Variants in LGI2 observed in about 807,000 individuals in gnomAD.
The protein encoded by LGI2 is leucine rich repeat LGI family member 2, also known as leucine-rich repeat LGI family member 2.
A neutral mutation model predicts 52.0 loss-of-function variants in LGI2; 30 were observed. The observed-to-expected ratio is 0.58, with a 90% CI of 0.43 to 0.78. LGI2 has a LOEUF of 0.78. Ranked by LOEUF, LGI2 falls within the 30% of genes least tolerant of loss-of-function variation. The pLI is 0.00. For synonymous variants in LGI2, 270 were observed against 271.8 expected, an observed-to-expected ratio of 0.99 and a Z score of 0.06; for missense variants, 573 against 692.5, an observed-to-expected ratio of 0.83 and a Z score of 1.94.
chr4:24,997,748 C>T (rs1333425667), downstream of LGI2, among the ~76,000 whole-genome samples: 1 of 152,182 alleles, frequency 6.6e-6, no homozygotes, highest in African/African-American at 2.4e-5. Context: ...TGTATAATCT[C>T]CTCTCTTTGA....
chr4:24,994,186 A>G (rs949767882), downstream of LGI2, among the ~76,000 whole-genome samples: 2 of 152,222 alleles, frequency 1.3e-5, no homozygotes, highest in Non-Finnish European at 2.9e-5. Context: ...CCTGCACTAC[A>G]GAAAGATCCT....
In LGI2 at chr4:25,017,533, C is replaced by T. The variant is rs540789655; in HGVS notation, c.655+456G>A. On this transcript the variant is annotated intron_variant, in intron 6 of 7. Transcript: ENST00000382114. Reference sequence around the variant, plus strand: ...CTCCAGCCTGGGCGACAGAGTAAGACTCTGCCTCAAAAAAAAAAAAAAAAA... The same window carrying T: ...CTCCAGCCTGGGCGACAGAGTAAGATTCTGCCTCAAAAAAAAAAAAAAAAA... Among the ~76,000 whole-genome samples the T allele has an allele frequency of 5.0e-4, 49 of 98,764 alleles. 1 individual carries two copies. The South Asian group carries it at 7.5e-3, about 15-fold the overall frequency. 64.8% of individuals were successfully genotyped at this position (98,764 alleles called of 152,430 possible).
downstream of LGI2, among the ~76,000 whole-genome samples, chr4:24,994,277 C>T (rs1027344970): frequency 1.3e-5 from 2 of 152,172 alleles, no homozygotes; most frequent in African/African-American, 4.8e-5. Context: ...AATATATTGT[C>T]CTGGTCTCTG....
At chr4:25,021,686 C>T (rs940307188) in intron 4 of LGI2, among the ~76,000 whole-genome samples, 9 of 152,136 alleles carry the variant, frequency 5.9e-5, no homozygotes, top group Non-Finnish European at 1.3e-4. Context: ...AATCCCAACA[C>T]TTTGGGAGGC....
intron 5 of LGI2, among the ~76,000 whole-genome samples, chr4:25,018,731 G>A (rs1350698643): frequency 6.6e-6 from 1 of 152,040 alleles, no homozygotes; most frequent in Non-Finnish European, 1.5e-5. Context: ...GGGTAGTGGT[G>A]TGCGCCTGTA....
intron 6 of LGI2, among the ~76,000 whole-genome samples, chr4:25,015,912 T>C (rs181474452): frequency 1.3e-5 from 2 of 152,330 alleles, no homozygotes; most frequent in Admixed American, 6.5e-5. Context: ...TCATCTCTGT[T>C]TGTGAGTCTT....
At chr4:25,010,141 G>A (rs1379782513) in intron 7 of LGI2, among the ~76,000 whole-genome samples, 1 of 152,052 alleles carries the variant, frequency 6.6e-6, no homozygotes, top group African/African-American at 2.4e-5. Flanking sequence ...TTAGCCGGGT[G>A]CGGTAGCAGG....
At chr4:25,013,292 C>T (rs1342407582) in intron 6 of LGI2, among the ~76,000 whole-genome samples, 6 of 152,224 alleles carry the variant, frequency 3.9e-5, no homozygotes, top group African/African-American at 1.4e-4. Context: ...CCTTGCTTCT[C>T]AGCCCACTCT....
chr4:25,030,165 C>T (rs1726283980), intron 1 of LGI2, among the ~76,000 whole-genome samples: 1 of 152,212 alleles, frequency 6.6e-6, no homozygotes, highest in Non-Finnish European at 1.5e-5. Context: ...GTCAAACGCA[C>T]ACTCCAGGAC....
rs12642011 is a variant in LGI2, at chr4:25,000,990, C to T, written c.*2461G>A. 71,809 of 151,740 alleles carry T rather than the reference C, an allele frequency of 0.47. 17,467 individuals carry two copies. The highest frequency in any genetic ancestry group is 0.77 in the East Asian group (3,970 of 5,154). 9.4% of individuals were successfully genotyped at this position (151,740 alleles called of 1,614,324 possible). A position where few individuals can be genotyped will look rare whatever the true frequency, so the allele number is the denominator to read the frequency against. On this transcript the variant is annotated 3_prime_UTR_variant, in exon 8 of 8. Transcript: ENST00000382114. ...AGAACAAATATCTCCTTCCACAGCA[C>T]AGGCGCTCTGTAGACTACAGGCTTT... is the stretch of plus-strand genomic sequence containing the variant.
chr4:25,009,607 T>G (rs760131516), intron 7 of LGI2, among the ~76,000 whole-genome samples: 5 of 152,194 alleles, frequency 3.3e-5, no homozygotes, highest in Non-Finnish European at 7.3e-5. Flanking sequence ...CCCATTAGAA[T>G]GGGAACTCCT....
intron 6 of LGI2, among the ~76,000 whole-genome samples, chr4:25,016,921 G>T (rs989831809): frequency 1.3e-5 from 2 of 152,132 alleles, no homozygotes; most frequent in Non-Finnish European, 2.9e-5. Context: ...ACAGCGGCCT[G>T]ATCCTCCTCT....
intron 1 of LGI2, among the ~76,000 whole-genome samples, chr4:25,030,091 A>AACACAC (rs35093206): frequency 0.016 from 2,398 of 150,996 alleles, 64 homozygotes; most frequent in African/African-American, 0.054. Context: ...CCAACCCGCA[A>AACACAC]ACACACACAC....
rs996039887 is a variant in LGI2, at chr4:25,002,288, C to T, written c.*1163G>A. On this transcript the variant is annotated 3_prime_UTR_variant, in exon 8 of 8. Coordinates refer to ENST00000382114, the MANE Select transcript of LGI2 (RefSeq NM_018176.4). ...AGTACTGGGAGAGGAAGGAGTCTTC[C>T]TATCTGAGTATCTTGGGTTGTGATT... 2.6e-5 allele frequency: 4 copies of T among 152,306 alleles called. No homozygotes were observed. The highest frequency in any genetic ancestry group is 5.9e-5 in the Non-Finnish European group (4 of 68,048). The allele number at this position is 152,306 out of a possible 1,614,324, so 9.4% of individuals were successfully genotyped here. A position where few individuals can be genotyped will look rare whatever the true frequency, so the allele number is the denominator to read the frequency against.
intron 1 of LGI2, among the ~76,000 whole-genome samples, chr4:25,028,996 C>T (rs552395219): frequency 2.0e-5 from 3 of 152,232 alleles, no homozygotes; most frequent in African/African-American, 7.2e-5. Flanking sequence ...CCTCTTGGGA[C>T]CCCATCTCTG....
chr4:24,994,916 C>T (rs984524929), downstream of LGI2, among the ~76,000 whole-genome samples: 1 of 152,154 alleles, frequency 6.6e-6, no homozygotes, highest in Non-Finnish European at 1.5e-5. Flanking sequence ...CTTAGGAGAC[C>T]TTATTGTCAC....
Position 25,028,566 on chromosome 4 carries a change from A to G in LGI2, c.210T>C (p.Asn70=), listed in dbSNP as rs767384235. ...GGTCCTTGATTTCTGAAAACGTCCC[A>G]TTTACCAGGCTCCTACGGGCAAAAG... ...PGDISSLSLV[N]GTFSEIKDRM... is the part of the protein sequence containing the mutation. The change falls in exon 2 of 8, where the codon AAT becomes AAC. Residue 70 remains asparagine, a synonymous_variant. Coordinates refer to ENST00000382114, the MANE Select transcript of LGI2 (RefSeq NM_018176.4). 1 of 1,613,062 alleles carries G rather than the reference A, an allele frequency of 6.2e-7. No individual in the cohort carries two copies.
At chr4:25,030,287 G>A (rs1489730666) in intron 1 of LGI2, among the ~76,000 whole-genome samples, 5 of 152,204 alleles carry the variant, frequency 3.3e-5, no homozygotes, top group African/African-American at 4.8e-5. Flanking sequence ...GCTGCCACAG[G>A]AACCTGTCTG....
chr4:25,010,504 A>G (rs4697523), intron 7 of LGI2, among the ~76,000 whole-genome samples: 43,294 of 152,074 alleles, frequency 0.28, 6,582 homozygotes, highest in Middle Eastern at 0.42. Flanking sequence ...CATAGCATCC[A>G]CATGAGGCAC....
Sources: allele counts gnomAD v4.1 joint callset (sites outside exome capture counted in the v4.1 genomes callset), GRCh38; gene constraint gnomAD v4.1.1; transcripts MANE v1.5; gene names NCBI Gene and HGNC (gene_info 2026-07-23, HGNC 2026-07-21).